The following HHLA2 variants were observed in gnomAD, a reference collection of about 807,000 sequenced individuals.
HHLA2 encodes the protein HHLA2 member of B7 family, also known as HERV-H LTR-associating protein 2.
HHLA2 carries 48 observed loss-of-function variants against 45.9 expected under a neutral mutation model. That is an observed-to-expected ratio of 1.05 (90% CI 0.83 to 1.33). The LOEUF is 1.33. Ranked by LOEUF, HHLA2 falls within the 40% of genes most tolerant of loss-of-function variation. The pLI is 0.00. For missense variants in HHLA2, 462 were observed against 494.3 expected, an observed-to-expected ratio of 0.93 and a Z score of 0.62; for synonymous variants, 161 against 173.9, an observed-to-expected ratio of 0.93 and a Z score of 0.59.
chr3:108,346,814 A>T (rs1025261083), intron 3 of HHLA2, among the ~76,000 whole-genome samples: 1 of 152,224 alleles, frequency 6.6e-6, no homozygotes, highest in Admixed American at 6.5e-5. Flanking sequence ...TGTCACAATT[A>T]GTACTGATGG....
intron 10 of HHLA2, chr3:108,376,992 G>A (rs555824422): frequency 2.4e-6 from 1 of 422,948 alleles, no homozygotes; most frequent in Non-Finnish European, 4.3e-6. Flanking sequence ...CCATTAATCA[G>A]AGTATAAATA....
intron 7 of HHLA2, among the ~76,000 whole-genome samples, chr3:108,360,000 G>T (rs1389258704): frequency 6.6e-6 from 1 of 152,134 alleles, no homozygotes; most frequent in African/African-American, 2.4e-5. Context: ...TGCAATTAAA[G>T]ATTTGCTTTA....
chr3:108,367,108 G>A (rs569995512), intron 8 of HHLA2, among the ~76,000 whole-genome samples: 1 of 152,310 alleles, frequency 6.6e-6, no homozygotes, highest in African/African-American at 2.4e-5. Context: ...ACCTGCAGAA[G>A]AGGGTCCTGA....
exon 5 of HHLA2, chr3:108,353,592 G>T (rs1367343809): frequency 6.2e-7 from 1 of 1,613,618 alleles, no homozygotes; most frequent in Non-Finnish European, 8.5e-7. Context: ...TACTACAAAG[G>T]CAGTGACCAT....
chr3:108,365,838 C>A (rs903454314), intron 8 of HHLA2, among the ~76,000 whole-genome samples: 3 of 152,104 alleles, frequency 2.0e-5, no homozygotes, highest in Admixed American at 6.6e-5. Flanking sequence ...GATTTTGTAT[C>A]CTGAGACTTT....
chr3:108,352,376 G>A (rs1340471736), intron 4 of HHLA2, among the ~76,000 whole-genome samples: 1 of 152,154 alleles, frequency 6.6e-6, no homozygotes, highest in South Asian at 2.1e-4. Context: ...AAGTCTCTCT[G>A]AGGAAGAGAG....
chr3:108,364,584 G>A (rs2082033922), intron 8 of HHLA2, among the ~76,000 whole-genome samples: 1 of 152,166 alleles, frequency 6.6e-6, no homozygotes, highest in South Asian at 2.1e-4. Context: ...CTTCCACAAT[G>A]GTTGAACTAA....
At chr3:108,321,131 G>C (rs1406656501) in intron 2 of HHLA2, among the ~76,000 whole-genome samples, 2 of 123,156 alleles carry the variant, frequency 1.6e-5, no homozygotes, top group South Asian at 2.7e-4. Context: ...CAAAGCAGTG[G>C]GGATCATGGT....
chr3:108,361,652 T>C (rs891269150), intron 7 of HHLA2, among the ~76,000 whole-genome samples: 1 of 152,090 alleles, frequency 6.6e-6, no homozygotes, highest in Admixed American at 6.5e-5. Context: ...AATTAGTGTA[T>C]AGTATGCATA....
chr3:108,325,485 G>A (rs2081271383), intron 2 of HHLA2: 4 of 364,246 alleles, frequency 1.1e-5, no homozygotes, highest in African/African-American at 2.2e-5. Flanking sequence ...CTCCTGTTAA[G>A]CTTTGCTTCC....
At chr3:108,304,038 G>C (rs2080889628) in intron 1 of HHLA2, among the ~76,000 whole-genome samples, 1 of 152,096 alleles carries the variant, frequency 6.6e-6, no homozygotes, top group South Asian at 2.1e-4. Context: ...ATATCATTTA[G>C]TTGGTGGTGT....
At chr3:108,305,375 C>G (rs1253721940) in intron 1 of HHLA2, among the ~76,000 whole-genome samples, 1 of 152,138 alleles carries the variant, frequency 6.6e-6, no homozygotes, top group South Asian at 2.1e-4. Context: ...TCGTAGCATT[C>G]ATCAGTGTGA....
intron 9 of HHLA2, among the ~76,000 whole-genome samples, chr3:108,376,280 G>A (rs9874204): frequency 1.3e-5 from 2 of 152,060 alleles, no homozygotes; most frequent in East Asian, 1.9e-4. Flanking sequence ...TTTATTCCCC[G>A]GCTTTGGAGC....
At chr3:108,319,225 C>T (rs76962044) in intron 2 of HHLA2, among the ~76,000 whole-genome samples, 31 of 146,860 alleles carry the variant, frequency 2.1e-4, no homozygotes, top group East Asian at 7.8e-4. Context: ...TTTTTTTTTT[C>T]TCACACCACA....
chr3:108,321,091 T>TAAAAAAAAAAAAAAAAA (rs67374827), intron 2 of HHLA2, among the ~76,000 whole-genome samples: 41 of 101,414 alleles, frequency 4.0e-4, no homozygotes, highest in African/African-American at 1.2e-3. Flanking sequence ...TCCAGGTGTT[T>TAAAAAAAAAAAAAAAAA]AAAAAAAAAA....
chr3:108,318,873 A>G (rs1053654797), intron 2 of HHLA2, among the ~76,000 whole-genome samples: 2 of 152,188 alleles, frequency 1.3e-5, no homozygotes, highest in African/African-American at 4.8e-5. Context: ...AGAGATTCAT[A>G]TTTATCTTTG....
intron 8 of HHLA2, among the ~76,000 whole-genome samples, chr3:108,366,778 C>G (rs577453649): frequency 6.6e-6 from 1 of 152,360 alleles, no homozygotes; most frequent in East Asian, 1.9e-4. Context: ...ATAGTATTCT[C>G]TAATAGTAGC....
chr3:108,329,686 C>T (rs1254355418), intron 3 of HHLA2, among the ~76,000 whole-genome samples: 1 of 152,104 alleles, frequency 6.6e-6, no homozygotes, highest in South Asian at 2.1e-4. Context: ...CATCATCAAC[C>T]ACTCTCGATG....
In HHLA2 at chr3:108,351,883, T is replaced by A; in HGVS notation, c.64+6T>A. ...ATCTCTGAGTGGATCTCAAGGTAAT[T>A]TCGTTTGTAATACAAGTGTTAGTTA... On this transcript the variant is annotated splice_donor_region_variant and intron_variant, in intron 4 of 10. Transcript: ENST00000619531. The A allele has an allele frequency of 1.3e-6, 2 of 1,593,982 alleles. No individual in the cohort carries two copies. Among genetic ancestry groups the A allele is most frequent in the South Asian group, 1.1e-5 (1 of 90,224 alleles).
Sources: gnomAD v4.1 joint callset for allele counts (sites outside exome capture counted in the v4.1 genomes callset) on GRCh38, gnomAD v4.1.1 for gene constraint, MANE v1.5 for transcripts, NCBI Gene and HGNC (gene_info 2026-07-23, HGNC 2026-07-21) for gene names.